The following GPBP1 variants were observed in gnomAD, a reference collection of about 807,000 sequenced individuals.
The protein encoded by GPBP1 is GC-rich promoter binding protein 1.
Under a neutral mutation model 56.5 loss-of-function variants are expected in GPBP1, and 13 were observed. The observed-to-expected ratio is 0.23, with a 90% CI of 0.15 to 0.37. The LOEUF (loss-of-function observed/expected upper bound fraction) is 0.37. GPBP1 is among the 10% of genes least tolerant of loss of function. The probability of loss-of-function intolerance (pLI) is 1.00; values close to 1 mark genes in which losing one functional copy is unlikely to be tolerated. For missense variants in GPBP1, 477 were observed against 572.3 expected, an observed-to-expected ratio of 0.83 and a Z score of 1.70; for synonymous variants, 204 against 188.9, an observed-to-expected ratio of 1.08 and a Z score of -0.66.
Position 57,175,812 on chromosome 5 carries a change from CTG to C in GPBP1, c.-645_-644del. ...GAGTAGTTTCAGCAGTTTCAAATGACTGAGTATTGCTGAAGTTTCATGGCAGT... is the reference window on the plus strand; with the variant it reads ...GAGTAGTTTCAGCAGTTTCAAATGACAGTATTGCTGAAGTTTCATGGCAGT... On this transcript the variant is annotated 5_prime_UTR_variant, in exon 2 of 12. The change abolishes the stop of an existing upstream ORF in the 5' untranslated region. Transcript: ENST00000506184. 1 of 397,008 alleles carries C rather than the reference CTG, an allele frequency of 2.5e-6. No homozygotes were observed. The allele number at this position is 397,008 out of a possible 1,614,324, so 24.6% of individuals were successfully genotyped here. A position where few individuals can be genotyped will look rare whatever the true frequency, so the allele number is the denominator to read the frequency against.
At chr5:57,238,062 T>C (rs1207651931) in intron 6 of GPBP1, among the ~76,000 whole-genome samples, 1 of 152,148 alleles carries the variant, frequency 6.6e-6, no homozygotes, top group African/African-American at 2.4e-5. Flanking sequence ...AGTGTTTTTA[T>C]GTTAACCAGA....
At chr5:57,181,883 A>G (rs1476990147) in intron 2 of GPBP1, among the ~76,000 whole-genome samples, 5 of 152,186 alleles carry the variant, frequency 3.3e-5, no homozygotes, top group African/African-American at 4.8e-5. Context: ...TTCAGTTTTT[A>G]CCTGCTTGCT....
chr5:57,238,465 G>A (rs1740647398), intron 6 of GPBP1, among the ~76,000 whole-genome samples: 1 of 152,182 alleles, frequency 6.6e-6, no homozygotes, highest in African/African-American at 2.4e-5. Context: ...GGCTGAGGCA[G>A]GAGAATCGCT....
Position 57,191,019 on chromosome 5 carries a change from G to T in GPBP1, c.-58+14619G>T, listed in dbSNP as rs117099784. On this transcript the variant is annotated intron_variant, in intron 2 of 11. Coordinates refer to ENST00000506184, the MANE Select transcript of GPBP1 (RefSeq NM_022913.4). ...TTGAACTCTGGGGTTCAAGTGATCT[G>T]CCCGCCTTGGCCTCCCCAAGTGCTG... Among the ~76,000 whole-genome samples, 30 of 152,078 alleles carry T rather than the reference G, an allele frequency of 2.0e-4. No homozygotes were observed. The East Asian group carries it at 5.2e-3, about 27-fold the overall frequency.
intron 2 of GPBP1, among the ~76,000 whole-genome samples, chr5:57,193,795 G>GA (rs1011792282): frequency 5.9e-5 from 9 of 151,876 alleles, no homozygotes; most frequent in African/African-American, 2.2e-4. Context: ...TTAAGGATTT[G>GA]AAAAAAACAA....
At chr5:57,200,177 T>G (rs574337129) in intron 2 of GPBP1, among the ~76,000 whole-genome samples, 70 of 144,482 alleles carry the variant, frequency 4.8e-4, no homozygotes, top group African/African-American at 1.8e-3. Flanking sequence ...TTCCTCTCTT[T>G]CCTTTTCTTT....
intron 2 of GPBP1, among the ~76,000 whole-genome samples, chr5:57,213,514 TA>T (rs1224194935): frequency 2.0e-5 from 3 of 152,202 alleles, no homozygotes; most frequent in Admixed American, 6.5e-5. Context: ...AAAGGATTCT[TA>T]GTTCATCTGC....
chr5:57,200,262 T>C (rs1346812877), intron 2 of GPBP1, among the ~76,000 whole-genome samples: 1 of 151,708 alleles, frequency 6.6e-6, no homozygotes, highest in Non-Finnish European at 1.5e-5. Context: ...TTCCATGTTC[T>C]TTCTATGTTA....
chr5:57,248,397 G>A (rs1423529971), intron 8 of GPBP1, among the ~76,000 whole-genome samples: 1 of 145,444 alleles, frequency 6.9e-6, no homozygotes, highest in Non-Finnish European at 1.5e-5. Context: ...TTTGGGTACT[G>A]TATTGGAACC....
In GPBP1 at chr5:57,175,951, T is replaced by C; in HGVS notation, c.-507T>C. 1 of 398,582 alleles carries C rather than the reference T, an allele frequency of 2.5e-6. No individual in the cohort carries two copies. The highest frequency in any genetic ancestry group is 4.4e-6 in the Non-Finnish European group (1 of 226,052). 24.7% of individuals were successfully genotyped at this position (398,582 alleles called of 1,614,324 possible). Reference sequence around the variant, plus strand: ...TTGAAAGAATACAGAGTTTTTTTCCTTTTATCTTTTATTTACGTGGAAATT... The same window carrying C: ...TTGAAAGAATACAGAGTTTTTTTCCCTTTATCTTTTATTTACGTGGAAATT... On this transcript the variant is annotated 5_prime_UTR_variant, in exon 2 of 12. Coordinates refer to ENST00000506184, the MANE Select transcript of GPBP1 (RefSeq NM_022913.4).
chr5:57,230,053 C>T (rs896337030), intron 3 of GPBP1, among the ~76,000 whole-genome samples: 1 of 151,722 alleles, frequency 6.6e-6, no homozygotes, highest in African/African-American at 2.4e-5. Context: ...GCCTCAGCCT[C>T]CCGAGTAGCT....
At chr5:57,241,376 A>G (rs1740818085) in intron 6 of GPBP1, among the ~76,000 whole-genome samples, 1 of 152,216 alleles carries the variant, frequency 6.6e-6, no homozygotes, top group African/African-American at 2.4e-5. Flanking sequence ...TCTTACATTC[A>G]TAGGTATGGG....
chr5:57,243,181 C>T (rs1740914949), intron 6 of GPBP1, among the ~76,000 whole-genome samples: 1 of 152,006 alleles, frequency 6.6e-6, no homozygotes, highest in Non-Finnish European at 1.5e-5. Context: ...AGTTCTCTGC[C>T]TCAGTCTCCC....
chr5:57,203,390 C>A (rs922492045), intron 2 of GPBP1, among the ~76,000 whole-genome samples: 2 of 152,082 alleles, frequency 1.3e-5, no homozygotes, highest in Non-Finnish European at 2.9e-5. Flanking sequence ...ACTCCTCATA[C>A]TTTGGGAGGC....
At chr5:57,251,615 A>G (rs1290269483) in intron 10 of GPBP1, among the ~76,000 whole-genome samples, 2 of 144,110 alleles carry the variant, frequency 1.4e-5, no homozygotes, top group Non-Finnish European at 3.0e-5. Flanking sequence ...AGTCCAATCT[A>G]CTTTTTGACT....
Position 57,262,749 on chromosome 5 carries a change from G to A in GPBP1, c.1419G>A (p.Val473=). The A allele has an allele frequency of 1.2e-6, 2 of 1,612,226 alleles. No homozygotes were observed. The highest frequency in any genetic ancestry group is 2.7e-5 in the African/African-American group (2 of 74,984). Residue 473 remains valine (V), a synonymous_variant, in exon 12 of 12, where the codon GTG becomes GTA. Coordinates refer to ENST00000506184, the MANE Select transcript of GPBP1 (RefSeq NM_022913.4). ...SSSDTSDDDD[V] ...GTGATACATCAGATGACGACGATGT[G>A]TGAAGGATTTCCTAACAGCTTTAGA... is the stretch of plus-strand genomic sequence containing the variant.
intron 2 of GPBP1, among the ~76,000 whole-genome samples, chr5:57,186,463 G>A (rs1754291096): frequency 6.6e-6 from 1 of 151,930 alleles, no homozygotes; most frequent in Admixed American, 6.6e-5. Flanking sequence ...CTAACCCAAG[G>A]TCATAGAGTT....
intron 3 of GPBP1, among the ~76,000 whole-genome samples, chr5:57,219,375 CAAAAAAAAAA>C (rs869152603): frequency 5.1e-4 from 18 of 35,306 alleles, no homozygotes; most frequent in African/African-American, 1.8e-3. Flanking sequence ...GACTCTGTCT[CAAAAAAAAAA>C]AAAAAAAAAA....
chr5:57,210,530 G>A (rs1755431160), intron 2 of GPBP1, among the ~76,000 whole-genome samples: 1 of 152,120 alleles, frequency 6.6e-6, no homozygotes, highest in Non-Finnish European at 1.5e-5. Context: ...TAGGACTGTT[G>A]ATTTGCCTTT....
Sources: allele counts gnomAD v4.1 joint callset (sites outside exome capture counted in the v4.1 genomes callset), GRCh38; gene constraint gnomAD v4.1.1; transcripts MANE v1.5; gene names NCBI Gene and HGNC (gene_info 2026-07-23, HGNC 2026-07-21).